The following PPM1D variants were observed in gnomAD, a reference collection of about 807,000 sequenced individuals.
PPM1D encodes protein phosphatase, Mg2+/Mn2+ dependent 1D, also known as protein phosphatase 1D.
In PPM1D, 52 loss-of-function variants were observed where a neutral mutation model predicts 58.3. The observed-to-expected ratio is 0.89, with a 90% CI of 0.71 to 1.12. The LOEUF is 1.12. Among genes scored for constraint, PPM1D ranks in the 50% most tolerant of loss-of-function variants. PPM1D has a pLI of 0.00. For synonymous variants in PPM1D, 278 were observed against 285.1 expected (o/e 0.98, Z 0.25); for missense variants, 564 against 777.2 (o/e 0.73, Z 3.26).
intron 1 of PPM1D, among the ~76,000 whole-genome samples, chr17:60,606,647 A>C (rs1338121902): frequency 6.6e-6 from 1 of 152,072 alleles, no homozygotes; most frequent in Non-Finnish European, 1.5e-5. Context: ...CCCTTCTTGA[A>C]TTATTTGGTG....
chr17:60,657,067 T>C (rs1567977812), intron 5 of PPM1D: 1 of 1,432,298 alleles, frequency 7.0e-7, no homozygotes, highest in East Asian at 2.6e-5. Context: ...TTAAGAATAT[T>C]ATTGTTTGCC....
intron 3 of PPM1D, among the ~76,000 whole-genome samples, chr17:60,642,352 A>ATTTTTTTT (rs760188816): frequency 8.0e-5 from 10 of 124,870 alleles, no homozygotes; most frequent in African/African-American, 3.1e-4. Flanking sequence ...AGAAGAATGG[A>ATTTTTTTT]TTTTTTTTTT....
At chr17:60,652,402 T>A (rs1330303037) in intron 4 of PPM1D, among the ~76,000 whole-genome samples, 1 of 152,204 alleles carries the variant, frequency 6.6e-6, no homozygotes, top group East Asian at 1.9e-4. Context: ...TTAAATGGAA[T>A]TGACGTAGGA....
Position 60,600,228 on chromosome 17 carries a change from C to T in PPM1D, c.-187C>T, listed in dbSNP as rs1050017967. 10 of 1,210,320 alleles carry T rather than the reference C, an allele frequency of 8.3e-6. No individual in the cohort carries two copies. In the East Asian group the frequency reaches 2.7e-4, roughly 33 times the overall value. 75.0% of individuals were successfully genotyped at this position (1,210,320 alleles called of 1,614,324 possible). The stretch of plus-strand genomic sequence containing the variant: ...CGCAACTGCCTGGCTCTGCTCGCTC[C>T]GGCGCTCCGGCCCAGCTCTCGCGGA... On this transcript the variant is annotated 5_prime_UTR_variant, in exon 1 of 6. Transcript: ENST00000305921.
chr17:60,642,281 T>TA, intron 3 of PPM1D, among the ~76,000 whole-genome samples: 1 of 149,506 alleles, frequency 6.7e-6, no homozygotes, highest in Non-Finnish European at 1.5e-5. Flanking sequence ...AGGAATAAGT[T>TA]AAAAAATATT....
intron 2 of PPM1D, among the ~76,000 whole-genome samples, chr17:60,625,157 T>C (rs2030782527): frequency 1.3e-5 from 2 of 148,432 alleles, no homozygotes; most frequent in South Asian, 4.2e-4. Context: ...AAAATAAAAA[T>C]AAAATAAAAT....
chr17:60,664,620 C>T lies in PPM1D; in HGVS notation c.*1068C>T, dbSNP rs1331897535. 1.3e-5 allele frequency: 2 copies of T among 152,020 alleles called. No homozygotes were observed. The highest frequency in any genetic ancestry group is 2.9e-5 in the Non-Finnish European group (2 of 68,014). The allele number at this position is 152,020 out of a possible 1,614,324, so 9.4% of individuals were successfully genotyped here. On this transcript the variant is annotated 3_prime_UTR_variant, in exon 6 of 6. Transcript: ENST00000305921. ...GCTTTATACTGAGCTTTTGAGTGTT[C>T]CCAATCTGAAATTCAAAATGCTCTA...
Position 60,625,816 on chromosome 17 carries a change from A to G in PPM1D, c.701+2067A>G, listed in dbSNP as rs997858309. 3.9e-5 allele frequency among the ~76,000 whole-genome samples: 6 copies of G among 152,184 alleles called. No homozygotes were observed. In the South Asian group the frequency reaches 8.3e-4, roughly 21 times the overall value. On this transcript the variant is annotated intron_variant, in intron 2 of 5. Transcript: ENST00000305921. ...ATGGAAATATTCTAAATTTTTATAAATGAGTGATGAGATTTTATGCCATAC... is the reference window on the plus strand; with the variant it reads ...ATGGAAATATTCTAAATTTTTATAAGTGAGTGATGAGATTTTATGCCATAC...
intron 1 of PPM1D, among the ~76,000 whole-genome samples, chr17:60,621,813 G>T (rs1005427944): frequency 1.4e-5 from 2 of 145,830 alleles, no homozygotes; most frequent in Non-Finnish European, 3.0e-5. Context: ...CTCGTGATCC[G>T]CCCACTTTGG....
chr17:60,617,062 C>T (rs988096111), intron 1 of PPM1D, among the ~76,000 whole-genome samples: 3 of 152,032 alleles, frequency 2.0e-5, no homozygotes, highest in East Asian at 1.9e-4. Flanking sequence ...ATCCTCCTGC[C>T]TCCTCCTCTG....
Position 60,656,607 on chromosome 17 carries a change from T to C in PPM1D, c.1026T>C (p.His342=), listed in dbSNP as rs759344813. The C allele has an allele frequency of 3.1e-6, 5 of 1,614,144 alleles. No homozygotes were observed. The East Asian group carries it at 6.7e-5, about 22-fold the overall frequency. Reference sequence around the variant, plus strand: ...TGTTCTTTTGAATACAGGGTGAGCATGGACAATCTTGTGCCAAAATGCTTG... The same window carrying C: ...TGTTCTTTTGAATACAGGGTGAGCACGGACAATCTTGTGCCAAAATGCTTG... The part of the protein sequence containing the change: ...QEEKKYLMGE[H]GQSCAKMLVN... Residue 342 remains histidine, a synonymous_variant, in exon 5 of 6, where the codon CAT becomes CAC. Coordinates refer to ENST00000305921, the MANE Select transcript of PPM1D (RefSeq NM_003620.4).
intron 1 of PPM1D, among the ~76,000 whole-genome samples, chr17:60,613,624 G>A (rs965826991): frequency 6.6e-6 from 1 of 152,224 alleles, no homozygotes; most frequent in African/African-American, 2.4e-5. Context: ...GGAGAGGCGC[G>A]GGTGGGAACT....
chr17:60,643,134 C>G (rs908865588), intron 3 of PPM1D, among the ~76,000 whole-genome samples: 3 of 151,784 alleles, frequency 2.0e-5, no homozygotes, highest in Admixed American at 2.0e-4. Flanking sequence ...AATCCTAGCA[C>G]TTTGGGAGGC....
Position 60,633,853 on chromosome 17 carries a change from T to C in PPM1D, c.702T>C (p.Ser234=), listed in dbSNP as rs1212239918. 1.2e-6 allele frequency: 2 copies of C among 1,610,026 alleles called. No individual in the cohort carries two copies. Among genetic ancestry groups the C allele is most frequent in the Non-Finnish European group, 8.5e-7 (1 of 1,177,364 alleles). The part of the protein sequence containing the change: ...ERERIEGLGG[S]VMNKSGVNRV... Reference sequence around the variant, plus strand: ...ATTTATGTGAACTCTTTATTTTTAGTGTAATGAACAAGTCTGGGGTGAATC... The same window carrying C: ...ATTTATGTGAACTCTTTATTTTTAGCGTAATGAACAAGTCTGGGGTGAATC... The change falls in exon 3 of 6, where the codon AGT becomes AGC. Residue 234 remains serine, a splice_region_variant and synonymous_variant. Coordinates refer to ENST00000305921, the MANE Select transcript of PPM1D (RefSeq NM_003620.4).
intron 4 of PPM1D, among the ~76,000 whole-genome samples, chr17:60,650,846 G>C (rs2031330255): frequency 6.6e-6 from 1 of 151,952 alleles, no homozygotes; most frequent in Non-Finnish European, 1.5e-5. Context: ...AGCTACTCAG[G>C]AGGCTGTGGG....
In PPM1D at chr17:60,663,366, C is replaced by G. The variant is rs1304742106; in HGVS notation, c.1632C>G (p.Gly544=). The G allele has an allele frequency of 6.2e-7, 1 of 1,614,112 alleles. No individual in the cohort carries two copies. The highest frequency in any genetic ancestry group is 8.5e-7 in the Non-Finnish European group (1 of 1,180,014). Residue 544 remains glycine, a synonymous_variant, in exon 6 of 6, where the codon GGC becomes GGG. Coordinates refer to ENST00000305921, the MANE Select transcript of PPM1D (RefSeq NM_003620.4). ...FKRTLEESNS[G]PLMKKHRRNG... The stretch of plus-strand genomic sequence containing the variant: ...GGACATTAGAAGAGTCCAATTCTGG[C>G]CCCCTGATGAAGAAGCATAGACGAA...
At position 60,663,698 on chromosome 17, in the gene PPM1D, C is replaced by A; in HGVS notation, c.*146C>A. The A allele has an allele frequency of 4.9e-6, 4 of 808,840 alleles. No individual in the cohort carries two copies. Among genetic ancestry groups the A allele is most frequent in the Non-Finnish European group, 7.5e-6 (4 of 530,726 alleles). 50.1% of individuals were successfully genotyped at this position (808,840 alleles called of 1,614,324 possible). ...TTGGAATTCAGCAGTTTTATCCTGGCCTTGTACTTGCTTGTATTGTAAATG... is the reference window on the plus strand; with the variant it reads ...TTGGAATTCAGCAGTTTTATCCTGGACTTGTACTTGCTTGTATTGTAAATG... On this transcript the variant is annotated 3_prime_UTR_variant, in exon 6 of 6. Transcript: ENST00000305921.
intron 1 of PPM1D, among the ~76,000 whole-genome samples, chr17:60,614,539 AG>A (rs1233491048): frequency 2.6e-5 from 4 of 152,166 alleles, no homozygotes; most frequent in Non-Finnish European, 5.9e-5. Flanking sequence ...GTGCCAGATA[AG>A]GGAATAAAAG....
chr17:60,653,585 A>G (rs944938745), intron 4 of PPM1D, among the ~76,000 whole-genome samples: 3 of 152,334 alleles, frequency 2.0e-5, no homozygotes, highest in Admixed American at 6.5e-5. Context: ...TGTCATTTCA[A>G]TTTTGATAGG....
Sources: gnomAD v4.1 joint callset for allele counts (sites outside exome capture counted in the v4.1 genomes callset) on GRCh38, gnomAD v4.1.1 for gene constraint, MANE v1.5 for transcripts, NCBI Gene and HGNC (gene_info 2026-07-23, HGNC 2026-07-21) for gene names.